DMD: variants seen among roughly 807,000 people sequenced by gnomAD.
DMD encodes dystrophin.
Under a neutral mutation model 330.1 loss-of-function variants are expected in DMD, and 63 were observed. The ratio of observed to expected loss-of-function variants is 0.19; its 90% CI spans 0.16 to 0.24. DMD has a LOEUF of 0.24. Ranked by LOEUF, DMD falls within the 10% of genes least tolerant of loss-of-function variation. DMD has a pLI of 1.00. For synonymous variants in DMD, 1,223 were observed against 959.8 expected (o/e 1.27, Z -5.07); for missense variants, 3,344 against 2,684.1 (o/e 1.25, Z -5.43).
intron 47 of DMD, among the ~76,000 whole-genome samples, chrX:31,884,440 A>C (rs2094122529): frequency 9.0e-6 from 1 of 111,576 alleles, no homozygotes; most frequent in Non-Finnish European, 1.9e-5. Context: ...TGAAATCTAA[A>C]AATGTCAAAC....
intron 2 of DMD, among the ~76,000 whole-genome samples, chrX:32,877,659 C>G (rs2083479636): frequency 8.9e-6 from 1 of 112,031 alleles, no homozygotes; most frequent in South Asian, 3.7e-4. Flanking sequence ...GTATCTACAT[C>G]TCTTTAGATG....
chrX:33,262,378 G>A (rs181013780), intron 1 of DMD, among the ~76,000 whole-genome samples: 1 of 111,254 alleles, frequency 9.0e-6, no homozygotes, highest in East Asian at 2.8e-4. Flanking sequence ...AGAAGAGAAT[G>A]AATGGAATTG....
chrX:31,856,139 T>G (rs2093610256), intron 48 of DMD, among the ~76,000 whole-genome samples: 1 of 112,047 alleles, frequency 8.9e-6, no homozygotes, highest in African/African-American at 3.2e-5. Flanking sequence ...GGGGTAAATA[T>G]ATGAAGAGTC....
intron 44 of DMD, among the ~76,000 whole-genome samples, chrX:32,177,722 T>C (rs1484806305): frequency 9.0e-6 from 1 of 111,384 alleles, no homozygotes; most frequent in Non-Finnish European, 1.9e-5. Flanking sequence ...GTCTGTCATG[T>C]TCACTTCTGT....
rs768735089 is a variant in DMD, at chrX:33,069,375, T to C, written c.32-49175A>G. On this transcript the variant is annotated intron_variant, in intron 1 of 78. Transcript: ENST00000357033. ...TCCCAAGGATGTTCACGTTGATTTA[T>C]TGCCTTTTAAAATACTAGTTGCACA... Among the ~76,000 whole-genome samples, 3 of 111,876 alleles carry C rather than the reference T, an allele frequency of 2.7e-5. No individual in the cohort carries two copies. In the South Asian group the frequency reaches 1.1e-3, roughly 42 times the overall value.
At chrX:32,181,569 G>A (rs1009847106) in intron 44 of DMD, among the ~76,000 whole-genome samples, 4 of 111,272 alleles carry the variant, frequency 3.6e-5, no homozygotes, top group Admixed American at 1.9e-4. Context: ...GAATATTACC[G>A]GGTTAAAGGT....
At chrX:31,267,545 G>A (rs1170229590) in intron 62 of DMD, among the ~76,000 whole-genome samples, 1 of 112,008 alleles carries the variant, frequency 8.9e-6, no homozygotes, top group Non-Finnish European at 1.9e-5. Context: ...CCCTGGGCCC[G>A]GCCCAGACCT....
chrX:32,922,757 C>A (rs1047880600), intron 2 of DMD, among the ~76,000 whole-genome samples: 2 of 111,548 alleles, frequency 1.8e-5, no homozygotes, highest in Admixed American at 1.9e-4. Flanking sequence ...GGTTTGGGGA[C>A]CCCTGCTTTG....
chrX:31,219,542 G>C (rs2045764326), intron 64 of DMD, among the ~76,000 whole-genome samples: 1 of 110,386 alleles, frequency 9.1e-6, no homozygotes, highest in East Asian at 2.8e-4. Flanking sequence ...CTGCTACCTG[G>C]TTTCTTAGTT....
intron 9 of DMD, among the ~76,000 whole-genome samples, chrX:32,654,732 G>A (rs767715665): frequency 2.7e-5 from 3 of 111,837 alleles, no homozygotes; most frequent in Non-Finnish European, 5.6e-5. Flanking sequence ...AATGGTACCA[G>A]CTCTTCCTTG....
intron 2 of DMD, among the ~76,000 whole-genome samples, chrX:32,942,610 G>C (rs1170929830): frequency 8.9e-6 from 1 of 111,755 alleles, no homozygotes; most frequent in Non-Finnish European, 1.9e-5. Flanking sequence ...CTGTAAAGTA[G>C]CAGAGGTAAA....
intron 1 of DMD, among the ~76,000 whole-genome samples, chrX:33,050,027 T>TTTC (rs1223310171): frequency 8.9e-6 from 1 of 112,052 alleles, no homozygotes; most frequent in Admixed American, 9.5e-5. Context: ...AAAGTGGTCT[T>TTTC]TTCTCTTAAC....
intron 44 of DMD, among the ~76,000 whole-genome samples, chrX:32,016,477 C>T (rs1039845811): frequency 8.9e-6 from 1 of 112,169 alleles, no homozygotes; most frequent in Non-Finnish European, 1.9e-5. Context: ...CCACAAAGCA[C>T]AAGCACATAG....
chrX:32,896,300 C>G (rs1345610200), intron 2 of DMD, among the ~76,000 whole-genome samples: 1 of 111,823 alleles, frequency 8.9e-6, no homozygotes, highest in African/African-American at 3.3e-5. Context: ...TAACGCCTTT[C>G]ATCATACAGA....
chrX:32,999,030 G>A, intron 2 of DMD, among the ~76,000 whole-genome samples: 1 of 112,298 alleles, frequency 8.9e-6, no homozygotes, highest in Non-Finnish European at 1.9e-5. Flanking sequence ...GAAGTTGCTG[G>A]AAATTCAGTG....
chrX:32,102,259 T>G (rs1298001411), intron 44 of DMD: 3 of 111,967 alleles, frequency 2.7e-5, no homozygotes, highest in Admixed American at 1.9e-4. Context: ...AGGTATTCTG[T>G]TACAAGCAAC....
rs538928485 is a variant in DMD at position 32,891,522 on chromosome X, G to A, written c.94-41702C>T. ...ATGAAAATCAAGAATTATAAGGCGG[G>A]GAGGTAAGGCTGGAGAAGACAATCT... On this transcript the variant is annotated intron_variant, in intron 2 of 78. Transcript: ENST00000357033. 7.2e-5 allele frequency among the ~76,000 whole-genome samples: 8 copies of A among 111,771 alleles called. No individual in the cohort carries two copies. In the South Asian group the frequency reaches 3.0e-3, roughly 42 times the overall value.
intron 62 of DMD, among the ~76,000 whole-genome samples, chrX:31,268,254 A>C: frequency 8.9e-6 from 1 of 112,174 alleles, no homozygotes; most frequent in East Asian, 2.8e-4. Flanking sequence ...GTGGAAGCAC[A>C]CCCGTTTTGC....
rs398123940 is a variant in DMD at position 32,454,819 on chromosome X, T to G, written c.3446A>C (p.Lys1149Thr). The stretch of plus-strand genomic sequence containing the variant: ...CTCCAAACCTCCCTTCAAGGCCTCC[T>G]TTCTGGCATAGACCTTCCACAAAAC... ...DHMCQQVYAR[K>T]EALKGGLEKT... The change falls in exon 26 of 79, where the codon AAG becomes ACG. Residue 1149 changes from lysine (K) to threonine (T), a missense_variant. Transcript: ENST00000357033. 7.5e-6 allele frequency: 9 copies of G among 1,205,121 alleles called. No individual in the cohort carries two copies. The highest frequency in any genetic ancestry group is 9.0e-6 in the Non-Finnish European group (8 of 892,657).
Sources: gnomAD v4.1 joint callset for allele counts (sites outside exome capture counted in the v4.1 genomes callset) on GRCh38, gnomAD v4.1.1 for gene constraint, MANE v1.5 for transcripts, NCBI Gene and HGNC (gene_info 2026-07-23, HGNC 2026-07-21) for gene names.